Variants in DPYD observed in about 807,000 individuals in gnomAD.
DPYD encodes the protein dihydropyrimidine dehydrogenase.
Under a neutral mutation model 116.2 loss-of-function variants are expected in DPYD, and 109 were observed. The ratio of observed to expected loss-of-function variants is 0.94; its 90% CI spans 0.80 to 1.10. The LOEUF is 1.10. DPYD is among the 50% of genes least tolerant of loss of function. The pLI, the probability that DPYD is intolerant of heterozygous loss-of-function variation, is 0.00. For missense variants in DPYD, 1,302 were observed against 1,254.5 expected (o/e 1.04, Z -0.57); for synonymous variants, 440 against 432.0 (o/e 1.02, Z -0.23).
At position 97,573,785 on chromosome 1, in the gene DPYD, A is replaced by C. The variant is rs186169810; in HGVS notation, c.1314T>G (p.Phe438Leu). 1.7e-5 allele frequency: 27 copies of C among 1,613,634 alleles called. No individual in the cohort carries two copies. In the East Asian group the frequency reaches 5.4e-4, roughly 32 times the overall value. Residue 438 changes from phenylalanine (F) to leucine (L), a missense_variant, in exon 11 of 23, where the codon TTT becomes TTG. Physicochemically the swap from Phe to Leu is conservative, Grantham distance 22 (BLOSUM62 0). Coordinates refer to ENST00000370192, the MANE Select transcript of DPYD (RefSeq NM_000110.4). The stretch of plus-strand genomic sequence containing the variant: ...CTTTAGGATCACTCAGAACTGAACC[A>C]AAGGCACTGATGACCACATCGGCTT... ...HLKADVVISAFGSVLSDPKVK... is the reference protein window; with the variant it reads ...HLKADVVISALGSVLSDPKVK...
At chr1:97,561,230 A>G (rs78563186) in intron 11 of DPYD, among the ~76,000 whole-genome samples, 255 of 152,298 alleles carry the variant, frequency 1.7e-3, no homozygotes, top group Non-Finnish European at 2.1e-3. Flanking sequence ...ACCATTCTCA[A>G]TGCAAAGAGA....
intron 19 of DPYD, among the ~76,000 whole-genome samples, chr1:97,208,248 CTT>C (rs1446246840): frequency 7.5e-6 from 1 of 134,102 alleles, no homozygotes; most frequent in African/African-American, 2.8e-5. Context: ...TCTTCTTTCT[CTT>C]TCTTTCTTTC....
At chr1:97,561,705 T>A (rs748784262) in intron 11 of DPYD, among the ~76,000 whole-genome samples, 1 of 152,168 alleles carries the variant, frequency 6.6e-6, no homozygotes, top group Admixed American at 6.6e-5. Context: ...GAATTAGCAA[T>A]GATATGTTTT....
chr1:97,634,107 CT>C (rs1234106549), intron 8 of DPYD, among the ~76,000 whole-genome samples: 1 of 152,034 alleles, frequency 6.6e-6, no homozygotes, highest in Non-Finnish European at 1.5e-5. Flanking sequence ...CATTGAAGAC[CT>C]GATAAGAACT....
At chr1:97,759,407 G>A (rs886782688) in intron 3 of DPYD, among the ~76,000 whole-genome samples, 1 of 151,962 alleles carries the variant, frequency 6.6e-6, no homozygotes, top group Non-Finnish European at 1.5e-5. Flanking sequence ...TATGCTCACC[G>A]ACTCTTAGGC....
intron 8 of DPYD, among the ~76,000 whole-genome samples, chr1:97,617,029 C>A (rs1656326742): frequency 3.3e-5 from 5 of 152,062 alleles, no homozygotes; most frequent in Admixed American, 3.3e-4. Flanking sequence ...TGGTGAAAAC[C>A]CATCCCTACT....
chr1:97,365,915 G>A (rs75402597), intron 16 of DPYD, among the ~76,000 whole-genome samples: 5,246 of 152,208 alleles, frequency 0.034, 142 homozygotes, highest in South Asian at 0.062. Context: ...ATACAGTCAT[G>A]AGCCACCATG....
chr1:97,591,659 C>T (rs570089860), intron 10 of DPYD, among the ~76,000 whole-genome samples: 34 of 152,248 alleles, frequency 2.2e-4, no homozygotes, highest in Non-Finnish European at 4.4e-4. Context: ...CAATCAGTGT[C>T]ATCTTCCCCT....
At chr1:97,609,608 T>C (rs1655810876) in intron 8 of DPYD, among the ~76,000 whole-genome samples, 1 of 152,046 alleles carries the variant, frequency 6.6e-6, no homozygotes, top group African/African-American at 2.4e-5. Context: ...AAAAAAAGCT[T>C]TCTATAATCT....
chr1:97,350,540 C>T (rs1383460956), intron 16 of DPYD, among the ~76,000 whole-genome samples: 1 of 151,992 alleles, frequency 6.6e-6, no homozygotes, highest in Non-Finnish European at 1.5e-5. Flanking sequence ...TTACAGGGGT[C>T]AGTGAAATAA....
intron 2 of DPYD, among the ~76,000 whole-genome samples, chr1:97,845,610 G>C (rs1019075941): frequency 6.6e-6 from 1 of 152,170 alleles, no homozygotes; most frequent in Non-Finnish European, 1.5e-5. Flanking sequence ...CTGGACATGG[G>C]ACAAGAACTC....
chr1:97,334,824 T>C (rs1281943409), intron 16 of DPYD, among the ~76,000 whole-genome samples: 1 of 152,118 alleles, frequency 6.6e-6, no homozygotes, highest in Non-Finnish European at 1.5e-5. Context: ...TTTAAATTTG[T>C]CCTTGGAGAA....
At chr1:97,868,277 T>C (rs937055746) in intron 2 of DPYD, among the ~76,000 whole-genome samples, 3 of 151,780 alleles carry the variant, frequency 2.0e-5, no homozygotes, top group African/African-American at 7.2e-5. Flanking sequence ...CGGCATTAAA[T>C]ACCTTGACAA....
At chr1:97,641,761 A>T (rs1324273908) in intron 8 of DPYD, among the ~76,000 whole-genome samples, 2 of 152,198 alleles carry the variant, frequency 1.3e-5, no homozygotes, top group Non-Finnish European at 2.9e-5. Flanking sequence ...GCAATCAGGC[A>T]AGAGAAAGAA....
At chr1:97,738,117 G>A (rs1053939429) in intron 4 of DPYD, among the ~76,000 whole-genome samples, 4 of 152,030 alleles carry the variant, frequency 2.6e-5, no homozygotes, top group African/African-American at 9.7e-5. Flanking sequence ...ACAGGATCAC[G>A]AAATCAAGGA....
intron 7 of DPYD, among the ~76,000 whole-genome samples, chr1:97,685,596 T>G (rs1020808018): frequency 1.3e-5 from 2 of 152,134 alleles, no homozygotes; most frequent in African/African-American, 4.8e-5. Context: ...AAAGCCCCAT[T>G]GATCAGCCCA....
At chr1:97,900,098 G>A (rs1673285946) in intron 1 of DPYD, among the ~76,000 whole-genome samples, 1 of 151,870 alleles carries the variant, frequency 6.6e-6, no homozygotes, top group South Asian at 2.1e-4. Flanking sequence ...TTAGAAGTGT[G>A]TATCTTTTAA....
In DPYD at chr1:97,710,461, G is replaced by A. The variant is rs141347757; in HGVS notation, c.484-10914C>T. ...CAATTAGACCAGGAACACCAAAAGT[G>A]AGTACTGTGTTTCAAATGTATTAAA... is the stretch of plus-strand genomic sequence containing the variant. On this transcript the variant is annotated intron_variant, in intron 5 of 22. Transcript: ENST00000370192. 1.8e-3 allele frequency among the ~76,000 whole-genome samples: 280 copies of A among 151,958 alleles called. 1 individual carries two copies. The highest frequency in any genetic ancestry group is 6.2e-3 in the African/African-American group (259 of 41,530).
chr1:97,479,888 C>T (rs1038429541), intron 13 of DPYD, among the ~76,000 whole-genome samples: 1 of 152,114 alleles, frequency 6.6e-6, no homozygotes, highest in African/African-American at 2.4e-5. Flanking sequence ...ATTTAGGGGG[C>T]AATGTGTCCA....
Sources: gnomAD v4.1 joint callset for allele counts (sites outside exome capture counted in the v4.1 genomes callset) on GRCh38, gnomAD v4.1.1 for gene constraint, MANE v1.5 for transcripts, NCBI Gene and HGNC (gene_info 2026-07-23, HGNC 2026-07-21) for gene names.